The following GRXCR2 variants were observed in gnomAD, a reference collection of about 807,000 sequenced individuals.
GRXCR2 encodes glutaredoxin and cysteine rich domain containing 2, also known as glutaredoxin domain-containing cysteine-rich protein 2.
GRXCR2 carries 23 observed loss-of-function variants against 24.8 expected under a neutral mutation model. That is an observed-to-expected ratio of 0.93 (90% CI 0.67 to 1.32). The LOEUF (loss-of-function observed/expected upper bound fraction) is 1.32. GRXCR2 is among the 40% of genes most tolerant of loss of function. The pLI is 0.00. For synonymous variants in GRXCR2, 130 were observed against 116.1 expected (o/e 1.12, Z -0.77); for missense variants, 315 against 303.4 (o/e 1.04, Z -0.28).
At chr5:145,913,320 C>A (rs547488562) in intron 2 of GRXCR2, among the ~76,000 whole-genome samples, 63 of 152,122 alleles carry the variant, frequency 4.1e-4, no homozygotes, top group African/African-American at 1.3e-3. Context: ...TAAGGAAAGG[C>A]CTGCATCATC....
chr5:145,892,485 T>G (rs1392368356), intron 2 of GRXCR2, among the ~76,000 whole-genome samples: 1 of 152,016 alleles, frequency 6.6e-6, no homozygotes, highest in Non-Finnish European at 1.5e-5. Context: ...ACATGACGAA[T>G]GCACAAGTCT....
chr5:145,923,339 C>T (rs550899775), intron 2 of GRXCR2, among the ~76,000 whole-genome samples: 1 of 151,896 alleles, frequency 6.6e-6, no homozygotes, highest in African/African-American at 2.4e-5. Flanking sequence ...AAGCAATGAG[C>T]CTGCAAGAAA....
intron 2 of GRXCR2, among the ~76,000 whole-genome samples, chr5:145,931,256 C>G (rs1757473630): frequency 6.6e-6 from 1 of 151,968 alleles, no homozygotes; most frequent in Non-Finnish European, 1.5e-5. Flanking sequence ...GGTCTTGAAC[C>G]CCTGAACTCA....
intron 2 of GRXCR2, among the ~76,000 whole-genome samples, chr5:145,912,642 T>A (rs940312929): frequency 1.3e-5 from 2 of 151,854 alleles, no homozygotes; most frequent in Non-Finnish European, 2.9e-5. Flanking sequence ...AGAGCTACTG[T>A]GGAGTGGGTG....
rs145921015 is a variant in GRXCR2 at position 145,892,444 on chromosome 5, T to A, written c.-69-25716A>T. On this transcript the variant is annotated intron_variant, in intron 2 of 3. Coordinates refer to the GRXCR2 transcript ENST00000639411. ...AATGCAGAGAAGTCCTTAAAGGACC[T>A]GATGGAGCTGAAAACCATGGCACGA... 3.0e-3 allele frequency among the ~76,000 whole-genome samples: 463 copies of A among 152,218 alleles called. 4 individuals carry two copies. In the East Asian group the frequency reaches 0.033, roughly 11 times the overall value.
intron 2 of GRXCR2, among the ~76,000 whole-genome samples, chr5:145,862,595 C>A (rs147649909): frequency 6.6e-6 from 1 of 152,212 alleles, no homozygotes; most frequent in Non-Finnish European, 1.5e-5. Context: ...GTTCTAGAAC[C>A]CAACAGACCC....
At position 145,881,631 on chromosome 5, in the gene GRXCR2, G is replaced by C. The variant is rs543893442; in HGVS notation, c.-69-14903C>G. The stretch of plus-strand genomic sequence containing the variant: ...GTAATTTATAGATTCAATGCCATCC[G>C]CTACCAATGACCTTCTTCACAGAAT... On this transcript the variant is annotated intron_variant, in intron 2 of 3. Coordinates refer to the GRXCR2 transcript ENST00000639411. Among the ~76,000 whole-genome samples the C allele has an allele frequency of 1.4e-4, 21 of 150,828 alleles. No homozygotes were observed. In the South Asian group the frequency reaches 3.1e-3, roughly 22 times the overall value.
intron 2 of GRXCR2, among the ~76,000 whole-genome samples, chr5:145,892,046 A>G (rs887750879): frequency 2.0e-5 from 3 of 152,122 alleles, no homozygotes; most frequent in African/African-American, 7.2e-5. Context: ...CCTCCAGCAA[A>G]CTCCAACAGA....
chr5:145,869,451 A>G (rs1265299011), intron 1 of GRXCR2, among the ~76,000 whole-genome samples: 4 of 152,288 alleles, frequency 2.6e-5, no homozygotes, highest in African/African-American at 9.6e-5. Flanking sequence ...TAAAAGACTC[A>G]ACATTTCTTT....
At chr5:145,923,019 A>T (rs1457973469) in intron 2 of GRXCR2, among the ~76,000 whole-genome samples, 1 of 152,240 alleles carries the variant, frequency 6.6e-6, no homozygotes, top group African/African-American at 2.4e-5. Flanking sequence ...CTGGATCACC[A>T]CATCAGTGCC....
At chr5:145,923,966 G>A (rs949743126) in intron 2 of GRXCR2, among the ~76,000 whole-genome samples, 3 of 152,076 alleles carry the variant, frequency 2.0e-5, no homozygotes, top group African/African-American at 4.8e-5. Context: ...ACTTCTAGAT[G>A]TAGAATTACT....
chr5:145,925,994 A>T (rs116688325), intron 2 of GRXCR2, among the ~76,000 whole-genome samples: 1 of 152,134 alleles, frequency 6.6e-6, no homozygotes, highest in Admixed American at 6.5e-5. Flanking sequence ...TGGTTACCCA[A>T]TTGTCTGAGC....
intron 2 of GRXCR2, among the ~76,000 whole-genome samples, chr5:145,883,424 C>T (rs931750438): frequency 2.6e-5 from 4 of 152,094 alleles, no homozygotes; most frequent in African/African-American, 9.7e-5. Flanking sequence ...CAACATTTTG[C>T]ATTTTTACTT....
Position 145,926,014 on chromosome 5 carries a change from G to GA in GRXCR2, c.-70+9686_-70+9687insT, listed in dbSNP as rs542521189. On this transcript the variant is annotated intron_variant, in intron 2 of 3. Coordinates refer to the GRXCR2 transcript ENST00000639411. ...ACCCAATTGTCTGAGCAAACTGTCAGCTTTTGCACAGACTTGCCCTGAGTT... is the reference window on the plus strand; with the variant it reads ...ACCCAATTGTCTGAGCAAACTGTCAGACTTTTGCACAGACTTGCCCTGAGTT... Among the ~76,000 whole-genome samples, 834 of 152,092 alleles carry GA rather than the reference G, an allele frequency of 5.5e-3. 5 individuals are homozygous for GA. Among genetic ancestry groups the GA allele is most frequent in the African/African-American group, 0.019 (790 of 41,500 alleles).
chr5:145,918,569 G>C (rs984407945), intron 2 of GRXCR2, among the ~76,000 whole-genome samples: 2 of 152,192 alleles, frequency 1.3e-5, no homozygotes, highest in Non-Finnish European at 2.9e-5. Context: ...AAGTGTCCAG[G>C]AAAAGCTGGT....
At chr5:145,888,809 C>CTG (rs1561682910) in intron 2 of GRXCR2, among the ~76,000 whole-genome samples, 1 of 152,116 alleles carries the variant, frequency 6.6e-6, no homozygotes, top group African/African-American at 2.4e-5. Context: ...GTTATACACT[C>CTG]TGTGTGTGTA....
At chr5:145,903,669 AT>A (rs1368529120) in intron 2 of GRXCR2, among the ~76,000 whole-genome samples, 25 of 152,298 alleles carry the variant, frequency 1.6e-4, no homozygotes, top group Admixed American at 1.4e-3. Flanking sequence ...TGAATTCTGT[AT>A]CAGGATGAAC....
chr5:145,858,511 G>C (rs1366488602), downstream of GRXCR2: 2 of 152,032 alleles, frequency 1.3e-5, no homozygotes, highest in Non-Finnish European at 2.9e-5. Flanking sequence ...AACTATCAAG[G>C]CTTCAAAAAT....
intron 2 of GRXCR2, among the ~76,000 whole-genome samples, chr5:145,889,979 G>A (rs1756840592): frequency 1.3e-5 from 2 of 152,216 alleles, no homozygotes; most frequent in South Asian, 4.1e-4. Flanking sequence ...AAATACAATT[G>A]AAAGCTTTGT....
Sources: allele counts gnomAD v4.1 joint callset (sites outside exome capture counted in the v4.1 genomes callset), GRCh38; gene constraint gnomAD v4.1.1; transcripts MANE v1.5; gene names NCBI Gene and HGNC (gene_info 2026-07-23, HGNC 2026-07-21).